The following MYCBP2 variants were observed in gnomAD, a reference collection of about 807,000 sequenced individuals.
MYCBP2 encodes MYC binding protein 2, also known as E3 ubiquitin-protein ligase MYCBP2.
Under a neutral mutation model 525.3 loss-of-function variants are expected in MYCBP2, and 120 were observed. The ratio of observed to expected loss-of-function variants is 0.23; its 90% CI spans 0.20 to 0.27. The LOEUF (loss-of-function observed/expected upper bound fraction) is 0.27. Ranked by LOEUF, MYCBP2 falls within the 10% of genes least tolerant of loss-of-function variation. The pLI is 1.00. For synonymous variants in MYCBP2, 1,894 were observed against 1,955.8 expected (o/e 0.97, Z 0.83); for missense variants, 4,149 against 5,657.1 (o/e 0.73, Z 8.55).
At chr13:77,108,697 G>C (rs1208990934) in intron 55 of MYCBP2, among the ~76,000 whole-genome samples, 2 of 151,214 alleles carry the variant, frequency 1.3e-5, no homozygotes, top group Non-Finnish European at 2.9e-5. Flanking sequence ...TTTAGGATAA[G>C]ATACTTTATT....
chr13:77,092,208 C>G (rs535149376), intron 59 of MYCBP2, among the ~76,000 whole-genome samples: 1 of 152,106 alleles, frequency 6.6e-6, no homozygotes, highest in Admixed American at 6.5e-5. Context: ...TAAGCACATT[C>G]TCTTTTCATT....
At chr13:77,225,110 T>C (rs925722629) in intron 19 of MYCBP2, among the ~76,000 whole-genome samples, 1 of 152,180 alleles carries the variant, frequency 6.6e-6, no homozygotes, top group Admixed American at 6.5e-5. Context: ...ATTAACAAAA[T>C]ATGGGAACAT....
chr13:77,120,635 G>T (rs911424143), intron 55 of MYCBP2, among the ~76,000 whole-genome samples: 1 of 152,134 alleles, frequency 6.6e-6, no homozygotes, highest in Non-Finnish European at 1.5e-5. Context: ...TTTTGAAGGA[G>T]TCTAGATCAG....
intron 69 of MYCBP2, among the ~76,000 whole-genome samples, chr13:77,069,172 G>T (rs2040688130): frequency 6.6e-6 from 1 of 152,152 alleles, no homozygotes; most frequent in Non-Finnish European, 1.5e-5. Context: ...TTACCATTAT[G>T]TTCATAAGGT....
intron 1 of MYCBP2, among the ~76,000 whole-genome samples, chr13:77,321,004 T>C (rs7323979): frequency 0.019 from 2,824 of 152,302 alleles, 89 homozygotes; most frequent in African/African-American, 0.063. Context: ...TATGAAGTGA[T>C]GGAAACAGTC....
Position 77,125,616 on chromosome 13 carries a change from C to A in MYCBP2, c.7885-148G>T. ...TTAGTTTCTGAAATTAAGGCCACAG[C>A]CTGAGGTAAGACAGAAGTCAATAAA... On this transcript the variant is annotated intron_variant, in intron 53 of 82. Transcript: ENST00000544440. 4.8e-6 allele frequency: 4 copies of A among 829,444 alleles called. No individual in the cohort carries two copies. The South Asian group carries it at 7.3e-5, about 15-fold the overall frequency. The allele number at this position is 829,444 out of a possible 1,614,324, so 51.4% of individuals were successfully genotyped here.
chr13:77,168,127 C>A (rs1223084805), intron 40 of MYCBP2, among the ~76,000 whole-genome samples: 2 of 152,028 alleles, frequency 1.3e-5, no homozygotes, highest in East Asian at 3.8e-4. Flanking sequence ...ATTGTTAATG[C>A]TTATATCTAC....
rs2055205766 is a variant in MYCBP2, at chr13:77,144,519, G to A, written c.7229C>T (p.Thr2410Ile). ...NMLIRVNNDG[T>I]YCANWTPGAI... ...CCCTGGAGTCCAATTTGCACAATAA[G>A]TCCCATCATTATTGACACGGATCAG... The change falls in exon 49 of 83, where the codon ACT (threonine) becomes ATT (isoleucine). Residue 2410 changes from threonine (T) to isoleucine (I), a missense_variant. By Grantham distance (89) the Thr-to-Ile change is moderately conservative. Around this residue, in one of 21 missense-constraint regions of MYCBP2, gnomAD observed 692 missense variants for 852.7 expected, o/e 0.81. Coordinates refer to ENST00000544440, the MANE Select transcript of MYCBP2 (RefSeq NM_015057.5). 4 of 1,613,368 alleles carry A rather than the reference G, an allele frequency of 2.5e-6. No individual in the cohort carries two copies. The South Asian group carries it at 3.3e-5, about 13-fold the overall frequency.
chr13:77,323,274 G>A (rs2081912555), intron 1 of MYCBP2, among the ~76,000 whole-genome samples: 1 of 152,218 alleles, frequency 6.6e-6, no homozygotes. Context: ...TTGTTAGACT[G>A]TCATCAAAGT....
At chr13:77,211,890 G>A in intron 22 of MYCBP2, 66 bp downstream of exon 22, 1 of 1,282,712 alleles carries the variant, frequency 7.8e-7, no homozygotes. Context: ...TAAAGGGAAA[G>A]ATAAACCATT....
At chr13:77,227,941 AC>A (rs2066535283) in intron 18 of MYCBP2, among the ~76,000 whole-genome samples, 1 of 152,208 alleles carries the variant, frequency 6.6e-6, no homozygotes, top group Non-Finnish European at 1.5e-5. Context: ...ACAAACTGTA[AC>A]TGTACAAAAC....
intron 27 of MYCBP2, among the ~76,000 whole-genome samples, chr13:77,193,054 G>A (rs564819377): frequency 1.1e-4 from 17 of 152,170 alleles, no homozygotes; most frequent in African/African-American, 3.9e-4. Flanking sequence ...GCTTAAATCC[G>A]GGAGGCAGAG....
At chr13:77,190,730 G>C (rs182416756) in intron 28 of MYCBP2, among the ~76,000 whole-genome samples, 1 of 152,234 alleles carries the variant, frequency 6.6e-6, no homozygotes, top group African/African-American at 2.4e-5. Context: ...ATACAGTCCA[G>C]GGTCAAAGTA....
intron 55 of MYCBP2, among the ~76,000 whole-genome samples, chr13:77,113,404 T>A (rs2049173849): frequency 6.6e-6 from 1 of 152,132 alleles, no homozygotes; most frequent in Admixed American, 6.6e-5. Flanking sequence ...AGATCAGTGA[T>A]CATGGTTTTT....
chr13:77,252,268 A>C (rs2071341699), intron 14 of MYCBP2, among the ~76,000 whole-genome samples: 1 of 152,136 alleles, frequency 6.6e-6, no homozygotes, highest in Non-Finnish European at 1.5e-5. Context: ...TCTTTGTCAC[A>C]TTTTTTACAA....
rs1555465561 is a variant in MYCBP2 at position 77,294,111 on chromosome 13, T to TATATAC, written c.378+2487_378+2488insGTATAT. Among the ~76,000 whole-genome samples, 294 of 54,312 alleles carry TATATAC rather than the reference T, an allele frequency of 5.4e-3. 1 individual carries two copies. The highest frequency in any genetic ancestry group is 0.011 in the African/African-American group (242 of 22,410). 35.6% of individuals were successfully genotyped at this position (54,312 alleles called of 152,430 possible). A position where few individuals can be genotyped will look rare whatever the true frequency, so the allele number is the denominator to read the frequency against. On this transcript the variant is annotated intron_variant, in intron 2 of 82. Transcript: ENST00000544440. ...ATAAAGTAGATATAATGGCTATATATATATATATATATATATATACATATA... is the reference window on the plus strand; with the variant it reads ...ATAAAGTAGATATAATGGCTATATATATATACATATATATATATATATATACATATA...
At chr13:77,125,519 T>G in intron 53 of MYCBP2, 51 bp from the exon 54 acceptor site, 2 of 1,604,058 alleles carry the variant, frequency 1.2e-6, no homozygotes, top group Non-Finnish European at 1.7e-6. Context: ...TTCAGGGAAC[T>G]CAGTCTGAAA....
rs748459817 is a variant in MYCBP2 at position 77,096,345 on chromosome 13, G to A, written c.9921C>T (p.Tyr3307=). The A allele has an allele frequency of 2.5e-6, 4 of 1,613,212 alleles. No homozygotes were observed. The South Asian group carries it at 4.4e-5, about 18-fold the overall frequency. The change falls in exon 57 of 83, where the codon TAC becomes TAT. Residue 3307 remains tyrosine, a synonymous_variant. Transcript: ENST00000544440. ...TTGCAGCAGCCTGTTTTTCGCGGAG[G>A]TATTTTTCTCTACAGCGATCACATA... The part of the protein sequence containing the change: ...YLVCDRCREK[Y]LREKQAAARE...
chr13:77,084,439 T>C (rs1055630170), intron 62 of MYCBP2, among the ~76,000 whole-genome samples: 13 of 152,336 alleles, frequency 8.5e-5, no homozygotes, highest in African/African-American at 2.6e-4. Flanking sequence ...TCTACTGATA[T>C]AGAAGTTCTG....
Sources: gnomAD v4.1 joint callset for allele counts (sites outside exome capture counted in the v4.1 genomes callset) on GRCh38, gnomAD v4.1.1 for gene constraint, gnomAD v4.1.1 regional missense constraint, MANE v1.5 for transcripts, NCBI Gene and HGNC (gene_info 2026-07-23, HGNC 2026-07-21) for gene names.